Variants in GABBR2 observed in about 807,000 individuals in gnomAD.
GABBR2 encodes G-protein coupled receptor 51.
A neutral mutation model predicts 105.6 loss-of-function variants in GABBR2; 23 were observed. That is an observed-to-expected ratio of 0.22 (90% confidence interval 0.16 to 0.31). The LOEUF is 0.31. GABBR2 is among the 10% of genes least tolerant of loss of function. The pLI is 1.00. For synonymous variants in GABBR2, 478 were observed against 499.7 expected, an observed-to-expected ratio of 0.96 and a Z score of 0.58; for missense variants, 734 against 1,245.5, an observed-to-expected ratio of 0.59 and a Z score of 6.18.
At chr9:98,578,843 A>G (rs1348648426) in intron 1 of GABBR2, among the ~76,000 whole-genome samples, 1 of 152,236 alleles carries the variant, frequency 6.6e-6, no homozygotes, top group African/African-American at 2.4e-5. Flanking sequence ...TATGCTAAAT[A>G]GAATAAGCCA....
At chr9:98,422,982 G>A (rs572369902) in intron 7 of GABBR2, among the ~76,000 whole-genome samples, 1 of 152,262 alleles carries the variant, frequency 6.6e-6, no homozygotes, top group African/African-American at 2.4e-5. Flanking sequence ...TGGTGTATAT[G>A]TGCCACATTT....
chr9:98,466,544 C>T (rs1352561573), intron 6 of GABBR2, among the ~76,000 whole-genome samples: 1 of 152,212 alleles, frequency 6.6e-6, no homozygotes, highest in African/African-American at 2.4e-5. Flanking sequence ...CTTCCTCCTA[C>T]CCCTAAGGTT....
At chr9:98,617,446 C>A (rs1037234602) in intron 1 of GABBR2, among the ~76,000 whole-genome samples, 3 of 152,128 alleles carry the variant, frequency 2.0e-5, no homozygotes, top group African/African-American at 7.2e-5. Context: ...TGACTGGGAG[C>A]CCCAAGTACC....
chr9:98,647,195 G>A (rs1199174869), intron 1 of GABBR2, among the ~76,000 whole-genome samples: 3 of 152,256 alleles, frequency 2.0e-5, no homozygotes, highest in African/African-American at 7.2e-5. Context: ...CCTCTAGGAA[G>A]AGGCCTCCTT....
At chr9:98,532,284 C>T (rs1410729035) in intron 3 of GABBR2, among the ~76,000 whole-genome samples, 1 of 152,160 alleles carries the variant, frequency 6.6e-6, no homozygotes, top group Non-Finnish European at 1.5e-5. Context: ...GCTGGCTGAC[C>T]CACAGGCCTG....
intron 1 of GABBR2, among the ~76,000 whole-genome samples, chr9:98,680,074 C>T (rs1262473655): frequency 6.6e-6 from 1 of 152,152 alleles, no homozygotes; most frequent in African/African-American, 2.4e-5. Context: ...GGGCCTAAGC[C>T]ATGAACCTAG....
chr9:98,437,673 T>C (rs1825950365), intron 7 of GABBR2, among the ~76,000 whole-genome samples: 1 of 151,430 alleles, frequency 6.6e-6, no homozygotes, highest in Admixed American at 6.6e-5. Flanking sequence ...CATCCATCTG[T>C]GCATATATCT....
chr9:98,591,569 C>T (rs910893530), intron 1 of GABBR2, among the ~76,000 whole-genome samples: 14 of 152,230 alleles, frequency 9.2e-5, no homozygotes, highest in South Asian at 2.1e-4. Flanking sequence ...TTGGTCCAGG[C>T]GTGAAGTGCT....
rs571522184 is a variant in GABBR2 at position 98,347,078 on chromosome 9, C to T, written c.1893+15637G>A. 1.2e-4 allele frequency among the ~76,000 whole-genome samples: 19 copies of T among 152,208 alleles called. No homozygotes were observed. The South Asian group carries it at 3.1e-3, about 25-fold the overall frequency. On this transcript the variant is annotated intron_variant, in intron 13 of 18. Transcript: ENST00000259455. Reference sequence around the variant, plus strand: ...TCCTTTTGATATATTGATTTCCTTTCCTTTGGATAAACACCCAGTAGTGGG... The same window carrying T: ...TCCTTTTGATATATTGATTTCCTTTTCTTTGGATAAACACCCAGTAGTGGG...
At chr9:98,418,035 C>G (rs904566424) in intron 7 of GABBR2, among the ~76,000 whole-genome samples, 1 of 152,050 alleles carries the variant, frequency 6.6e-6, no homozygotes, top group Non-Finnish European at 1.5e-5. Flanking sequence ...AATGCAGGAG[C>G]CACATCAGGC....
At chr9:98,339,740 T>A (rs1831177114) in intron 13 of GABBR2, among the ~76,000 whole-genome samples, 1 of 152,226 alleles carries the variant, frequency 6.6e-6, no homozygotes, top group Non-Finnish European at 1.5e-5. Context: ...AGGTACTTTT[T>A]CAGATGTTGA....
At position 98,372,430 on chromosome 9, in the gene GABBR2, G is replaced by A. The variant is rs146698762; in HGVS notation, c.1663-859C>T. 5.9e-5 allele frequency among the ~76,000 whole-genome samples: 9 copies of A among 152,324 alleles called. No individual in the cohort carries two copies. In the East Asian group the frequency reaches 1.4e-3, roughly 23 times the overall value. On this transcript the variant is annotated intron_variant, in intron 11 of 18. Coordinates refer to ENST00000259455, the MANE Select transcript of GABBR2 (RefSeq NM_005458.8). The stretch of plus-strand genomic sequence containing the variant: ...CCACTCACTGGGACAGAAAAGCCAC[G>A]TGCCCCATGAGTTGCAGCTCTGAGC...
At chr9:98,599,249 C>T (rs1829283896) in intron 1 of GABBR2, among the ~76,000 whole-genome samples, 1 of 152,142 alleles carries the variant, frequency 6.6e-6, no homozygotes, top group African/African-American at 2.4e-5. Context: ...GTCCCCACCA[C>T]CATTTAACCA....
intron 3 of GABBR2, among the ~76,000 whole-genome samples, chr9:98,534,096 A>C (rs1039056182): frequency 1.3e-5 from 2 of 152,256 alleles, no homozygotes; most frequent in African/African-American, 4.8e-5. Context: ...TTGGTGGGGC[A>C]GATGGCAACT....
chr9:98,307,788 T>C (rs1385537029), intron 14 of GABBR2, among the ~76,000 whole-genome samples: 6 of 152,264 alleles, frequency 3.9e-5, no homozygotes, highest in African/African-American at 1.4e-4. Context: ...CTCTGTAGAC[T>C]GAAATGTTCT....
intron 6 of GABBR2, among the ~76,000 whole-genome samples, chr9:98,470,366 C>T (rs1470361517): frequency 1.3e-5 from 2 of 152,178 alleles, no homozygotes; most frequent in Admixed American, 1.3e-4. Context: ...AGGTGAAAGG[C>T]ACATCTCACA....
At chr9:98,359,433 A>AAAAATAAAAT (rs952813240) in intron 13 of GABBR2, among the ~76,000 whole-genome samples, 1 of 152,128 alleles carries the variant, frequency 6.6e-6, no homozygotes, top group African/African-American at 2.4e-5. Context: ...CTGTCTCCAA[A>AAAAATAAAAT]AAAATAAAAT....
chr9:98,534,117 T>C (rs924291112), intron 3 of GABBR2, among the ~76,000 whole-genome samples: 2 of 151,718 alleles, frequency 1.3e-5, no homozygotes, highest in Non-Finnish European at 2.9e-5. Flanking sequence ...TAGCAAGGGG[T>C]AAAGGTTTCA....
At chr9:98,348,777 C>T (rs1478000576) in intron 13 of GABBR2, among the ~76,000 whole-genome samples, 2 of 152,076 alleles carry the variant, frequency 1.3e-5, no homozygotes, top group Non-Finnish European at 2.9e-5. Flanking sequence ...ATTTTCTATC[C>T]TACAACTTTA....
Sources: gnomAD v4.1 joint callset for allele counts (sites outside exome capture counted in the v4.1 genomes callset) on GRCh38, gnomAD v4.1.1 for gene constraint, MANE v1.5 for transcripts, NCBI Gene and HGNC (gene_info 2026-07-23, HGNC 2026-07-21) for gene names.